The following SLC44A5 variants were observed in gnomAD, a reference collection of about 807,000 sequenced individuals.
The protein encoded by SLC44A5 is choline transporter-like protein 5.
In SLC44A5, 57 loss-of-function variants were observed where a neutral mutation model predicts 101.8. The ratio of observed to expected loss-of-function variants is 0.56; its 90% confidence interval spans 0.45 to 0.70. The LOEUF is 0.70. Ranked by LOEUF, SLC44A5 falls within the 30% of genes least tolerant of loss-of-function variation. SLC44A5 has a pLI of 0.00. For synonymous variants in SLC44A5, 281 were observed against 290.9 expected (o/e 0.97, Z 0.35); for missense variants, 737 against 853.1 (o/e 0.86, Z 1.70).
chr1:75,501,115 T>C lies in SLC44A5; in HGVS notation c.13+40320A>G, dbSNP rs546169464. Among the ~76,000 whole-genome samples, 290 of 152,254 alleles carry C rather than the reference T, an allele frequency of 1.9e-3. 1 individual carries two copies. The highest frequency in any genetic ancestry group is 6.5e-3 in the African/African-American group (271 of 41,556). On this transcript the variant is annotated intron_variant, in intron 2 of 23. Coordinates refer to ENST00000370859, the MANE Select transcript of SLC44A5 (RefSeq NM_001130058.2). The stretch of plus-strand genomic sequence containing the variant: ...TTAGAAAACTAGTAGTTTGTATTGA[T>C]ATATAAGATCACTTCAGAAGAGAAG...
chr1:75,699,688 C>A, the SLC44A5 span, among the ~76,000 whole-genome samples: 1 of 151,474 alleles, frequency 6.6e-6, no homozygotes, highest in East Asian at 1.9e-4. Flanking sequence ...GAGCTAAATG[C>A]TCCAATTAAA....
intron 2 of SLC44A5, among the ~76,000 whole-genome samples, chr1:75,495,154 A>T (rs1668604214): frequency 6.6e-6 from 1 of 152,130 alleles, no homozygotes; most frequent in South Asian, 2.1e-4. Context: ...TGCCTGTTGG[A>T]GTTAAAAATA....
the SLC44A5 span, among the ~76,000 whole-genome samples, chr1:75,662,209 T>C: frequency 0.032 from 4,861 of 152,130 alleles, 112 homozygotes; most frequent in Non-Finnish European, 0.049. Context: ...GCAACATGAA[T>C]TGAAGTGGGG....
At chr1:75,439,701 A>G (rs1665088274) in intron 2 of SLC44A5, among the ~76,000 whole-genome samples, 1 of 152,180 alleles carries the variant, frequency 6.6e-6, no homozygotes, top group South Asian at 2.1e-4. Context: ...TAAAAGAAAC[A>G]AAGAGTAGAT....
intron 3 of SLC44A5, among the ~76,000 whole-genome samples, chr1:75,360,600 T>C (rs1659417022): frequency 6.6e-6 from 1 of 152,218 alleles, no homozygotes; most frequent in African/African-American, 2.4e-5. Context: ...AGCACCTTTG[T>C]TGAAAATCAC....
In SLC44A5 at chr1:75,399,843, G is replaced by A. The variant is rs150122569; in HGVS notation, c.14-3222C>T. 2.9e-3 allele frequency among the ~76,000 whole-genome samples: 440 copies of A among 152,134 alleles called. 4 individuals carry two copies. The highest frequency in any genetic ancestry group is 1.0e-2 in the African/African-American group (414 of 41,498). ...AATGCATGTAAAACTGCTTTTATAA[G>A]CAATCTACAGATCTTTTTACAAAAA... On this transcript the variant is annotated intron_variant, in intron 2 of 23. Coordinates refer to ENST00000370859, the MANE Select transcript of SLC44A5 (RefSeq NM_001130058.2).
intron 1 of SLC44A5, among the ~76,000 whole-genome samples, chr1:75,557,152 G>A (rs981300285): frequency 1.3e-5 from 2 of 152,116 alleles, no homozygotes; most frequent in Admixed American, 1.3e-4. Context: ...AAGAGATGGA[G>A]TGAGAATTTG....
the SLC44A5 span, among the ~76,000 whole-genome samples, chr1:75,698,938 A>G: frequency 6.6e-6 from 1 of 152,152 alleles, no homozygotes; most frequent in Non-Finnish European, 1.5e-5. Context: ...TGAAGCGAGA[A>G]GGGAAGTTTA....
intron 5 of SLC44A5, among the ~76,000 whole-genome samples, chr1:75,285,917 T>C (rs534594970): frequency 6.6e-6 from 1 of 152,224 alleles, no homozygotes; most frequent in African/African-American, 2.4e-5. Flanking sequence ...GAATGTTCCA[T>C]GTGCTGTGGA....
At chr1:75,714,283 C>T in the SLC44A5 span, among the ~76,000 whole-genome samples, 1 of 152,182 alleles carries the variant, frequency 6.6e-6, no homozygotes, top group African/African-American at 2.4e-5. Flanking sequence ...ATAAAAACCA[C>T]ATGATCATCT....
At chr1:75,682,241 T>C in the SLC44A5 span, among the ~76,000 whole-genome samples, 1 of 152,114 alleles carries the variant, frequency 6.6e-6, no homozygotes, top group African/African-American at 2.4e-5. Context: ...CTTCACAGAA[T>C]TGGAAAAAAC....
chr1:75,409,167 A>G (rs1258294456), intron 2 of SLC44A5, among the ~76,000 whole-genome samples: 1 of 152,152 alleles, frequency 6.6e-6, no homozygotes, highest in Non-Finnish European at 1.5e-5. Context: ...AACAATAGAC[A>G]CTGGAGACTC....
chr1:75,268,464 CCTTTAACTTAAACGTAGG>C (rs1191520733), intron 6 of SLC44A5, among the ~76,000 whole-genome samples: 1 of 152,082 alleles, frequency 6.6e-6, no homozygotes, highest in African/African-American at 2.4e-5. Context: ...TGAGAATCTC[CCTTTAACTTAAACGTAGG>C]CTTCATGAGG....
the SLC44A5 span, among the ~76,000 whole-genome samples, chr1:75,686,169 G>A: frequency 1.3e-5 from 2 of 152,158 alleles, no homozygotes; most frequent in Admixed American, 1.3e-4. Flanking sequence ...TATTCAAGGT[G>A]AGATTTGGGT....
At chr1:75,302,137 G>A (rs796610312) in intron 4 of SLC44A5, among the ~76,000 whole-genome samples, 5 of 13,702 alleles carry the variant, frequency 3.6e-4, no homozygotes, top group African/African-American at 1.5e-3. Flanking sequence ...TTTTTTTTTT[G>A]GTTAACAACC....
the SLC44A5 span, among the ~76,000 whole-genome samples, chr1:75,693,720 A>G: frequency 2.6e-5 from 4 of 152,264 alleles, no homozygotes; most frequent in East Asian, 5.8e-4. Context: ...CAAAGGAAAA[A>G]GACATAGAGA....
chr1:75,273,740 A>C (rs1360591797), intron 6 of SLC44A5, among the ~76,000 whole-genome samples: 4 of 152,054 alleles, frequency 2.6e-5, no homozygotes, highest in Non-Finnish European at 5.9e-5. Flanking sequence ...CTTGATCCTG[A>C]TGTATTATCC....
rs958456408 is a variant in SLC44A5 at position 75,203,512 on chromosome 1, G to A, written c.*215C>T. 2.6e-6 allele frequency: 1 copy of A among 386,800 alleles called. No individual in the cohort carries two copies. Among genetic ancestry groups the A allele is most frequent in the Admixed American group, 4.6e-5 (1 of 21,804 alleles). The allele number at this position is 386,800 out of a possible 1,614,324, so 24.0% of individuals were successfully genotyped here. A position where few individuals can be genotyped will look rare whatever the true frequency, so the allele number is the denominator to read the frequency against. ...ACGAATTACAAAACAAATGATCTTA[G>A]TATAAAAATGTTTTATGTTATTAAC... On this transcript the variant is annotated 3_prime_UTR_variant, in exon 24 of 24. Coordinates refer to ENST00000370859, the MANE Select transcript of SLC44A5 (RefSeq NM_001130058.2).
intron 6 of SLC44A5, among the ~76,000 whole-genome samples, chr1:75,268,500 GC>G (rs1306706852): frequency 1.1e-4 from 17 of 152,230 alleles, no homozygotes; most frequent in Admixed American, 5.2e-4. Context: ...AGGGCAGGTA[GC>G]TTGTTCATTT....
Sources: gnomAD v4.1 joint callset for allele counts (sites outside exome capture counted in the v4.1 genomes callset) on GRCh38, gnomAD v4.1.1 for gene constraint, MANE v1.5 for transcripts, NCBI Gene and HGNC (gene_info 2026-07-23, HGNC 2026-07-21) for gene names.